RBM43: variants seen among roughly 807,000 people sequenced by gnomAD.
RBM43 encodes the protein RNA binding motif protein 43, also known as RNA-binding protein 43.
Under a neutral mutation model 12.4 loss-of-function variants are expected in RBM43, and 12 were observed. The observed-to-expected ratio is 0.97, with a 90% CI of 0.62 to 1.57. The LOEUF is 1.57. RBM43 is among the 40% of genes most tolerant of loss of function. The pLI is 0.00. For missense variants in RBM43, 348 were observed against 400.1 expected, an observed-to-expected ratio of 0.87 and a Z score of 1.11; for synonymous variants, 138 against 145.7, an observed-to-expected ratio of 0.95 and a Z score of 0.38.
chr2:151,261,589 C>A lies in RBM43; in HGVS notation c.3+136G>T, dbSNP rs1683047873. On this transcript the variant is annotated intron_variant, in intron 1 of 3. Transcript: ENST00000331426. Reference sequence around the variant, plus strand: ...TCCGGGGCCCCCGGGGTCCCTGGGGCCCCTCCGTGCGCCGCCCCCTCCCGC... The same window carrying A: ...TCCGGGGCCCCCGGGGTCCCTGGGGACCCTCCGTGCGCCGCCCCCTCCCGC... The A allele has an allele frequency of 8.5e-6, 13 of 1,536,576 alleles. No homozygotes were observed. In the South Asian group the frequency reaches 1.3e-4, roughly 16 times the overall value.
At chr2:151,257,431 C>T (rs921045172) in intron 1 of RBM43, among the ~76,000 whole-genome samples, 2 of 152,344 alleles carry the variant, frequency 1.3e-5, no homozygotes, top group African/African-American at 2.4e-5. Flanking sequence ...GTGGCTCACA[C>T]CTGTAATCCT....
rs10179952 is a variant in RBM43, at chr2:151,256,445, T to C, written c.4-702A>G. ...AGGTGGCTGTATGTTTTCTTTACAT[T>C]GTAGAGTCTAAAGTATGTAAGACAG... On this transcript the variant is annotated intron_variant, in intron 1 of 3. Transcript: ENST00000331426. Among the ~76,000 whole-genome samples, 553 of 152,288 alleles carry C rather than the reference T, an allele frequency of 3.6e-3. 4 individuals are homozygous for C. Among genetic ancestry groups the C allele is most frequent in the African/African-American group, 0.013 (531 of 41,562 alleles).
At chr2:151,261,137 G>C in intron 1 of RBM43, 1 of 1,226,890 alleles carries the variant, frequency 8.2e-7, no homozygotes, top group African/African-American at 1.5e-5. Flanking sequence ...GCTTTTAAGC[G>C]ATTGATGGAA....
intron 2 of RBM43, 147 bp from the exon 3 acceptor site, chr2:151,253,002 G>A: frequency 5.5e-6 from 3 of 541,602 alleles, no homozygotes; most frequent in Non-Finnish European, 3.3e-6. Context: ...TCACTTTTTT[G>A]TTGCACTTTA....
At position 151,251,614 on chromosome 2, in the gene RBM43, T is replaced by G; in HGVS notation, c.366A>C (p.Glu122Asp). 6.2e-7 allele frequency: 1 copy of G among 1,612,778 alleles called. No homozygotes were observed. The highest frequency in any genetic ancestry group is 8.5e-7 in the Non-Finnish European group (1 of 1,179,672). ...CTTTTACCAGAGTTTCTAGAGTAAC[T>G]TCTTTTCCAAAAACAGAAAGATCAA... ...AILDLSVFGK[E>D]VTLETLVKDL... Residue 122 changes from glutamate to aspartate, a missense_variant, in exon 4 of 4, where the codon GAA becomes GAC. Glu to Asp is a conservative substitution (Grantham distance 45). Transcript: ENST00000331426.
chr2:151,261,491 G>T (rs928274251), intron 1 of RBM43: 10 of 1,550,340 alleles, frequency 6.5e-6, no homozygotes, highest in Non-Finnish European at 8.7e-6. Context: ...TGAATTTCAG[G>T]AGCGCGCAAT....
rs1682895709 is a variant in RBM43, at chr2:151,251,106, T to C, written c.874A>G (p.Arg292Gly). The stretch of plus-strand genomic sequence containing the variant: ...CCTTCCAAAATAAATGTCTCTTTTC[T>C]AAGCTTTAAGTAAAGAGCATGTGAC... Reference protein sequence around the residue: ...EWSHALYLKLRKETFILEGKE... With the variant: ...EWSHALYLKLGKETFILEGKE... Residue 292 changes from arginine (R) to glycine (G), a missense_variant, in exon 4 of 4, where the codon AGA becomes GGA. By Grantham distance (125) the Arg-to-Gly change is moderately radical. Coordinates refer to ENST00000331426, the MANE Select transcript of RBM43 (RefSeq NM_198557.3). The C allele has an allele frequency of 4.3e-6, 7 of 1,613,698 alleles. No individual in the cohort carries two copies. The highest frequency in any genetic ancestry group is 5.9e-6 in the Non-Finnish European group (7 of 1,179,814).
At chr2:151,252,158 T>C (rs992990197) in intron 3 of RBM43, among the ~76,000 whole-genome samples, 2 of 152,180 alleles carry the variant, frequency 1.3e-5, no homozygotes, top group East Asian at 1.9e-4. Flanking sequence ...AATTGTTTTT[T>C]CCCAAAATAA....
chr2:151,252,303 G>A (rs1299653283), intron 3 of RBM43, among the ~76,000 whole-genome samples: 2 of 152,028 alleles, frequency 1.3e-5, no homozygotes, highest in Admixed American at 1.3e-4. Flanking sequence ...TGGGAGGACT[G>A]CTTGAGTCCA....
At chr2:151,254,317 C>T (rs1415833060) in intron 2 of RBM43, among the ~76,000 whole-genome samples, 3 of 152,124 alleles carry the variant, frequency 2.0e-5, no homozygotes, top group Admixed American at 2.0e-4. Flanking sequence ...TTCTCTCTCT[C>T]TCTGTCTCTC....
intron 1 of RBM43, chr2:151,261,036 C>G (rs1683039003): frequency 2.0e-6 from 1 of 509,648 alleles, no homozygotes; most frequent in Non-Finnish European, 3.5e-6. Flanking sequence ...AATGACGACG[C>G]CTCTACCGCC....
chr2:151,252,722 G>T (rs1262201613), intron 3 of RBM43, 33 bp downstream of exon 3: 1 of 1,150,882 alleles, frequency 8.7e-7, no homozygotes. Flanking sequence ...TGGGATACAG[G>T]ACTATCAGTA....
chr2:151,255,850 G>T, intron 1 of RBM43, 107 bp from the exon 2 acceptor site: 2 of 809,396 alleles, frequency 2.5e-6, no homozygotes, highest in Non-Finnish European at 4.0e-6. Context: ...AAGTGCCGGT[G>T]CAGCTGGTTA....
chr2:151,258,601 G>A (rs560091596), intron 1 of RBM43, among the ~76,000 whole-genome samples: 14 of 152,100 alleles, frequency 9.2e-5, no homozygotes, highest in South Asian at 4.2e-4. Context: ...CTCCAGAGGC[G>A]GAGATAGGAG....
intron 1 of RBM43, among the ~76,000 whole-genome samples, chr2:151,258,523 T>C (rs1338517201): frequency 6.7e-6 from 1 of 148,518 alleles, no homozygotes; most frequent in African/African-American, 2.5e-5. Context: ...TGGTGAAACC[T>C]AGTCTCTATC....
At chr2:151,259,150 G>A (rs1277938385) in intron 1 of RBM43, among the ~76,000 whole-genome samples, 2 of 136,532 alleles carry the variant, frequency 1.5e-5, no homozygotes. Flanking sequence ...AAAAAAAAAA[G>A]GAAGAAAGAA....
chr2:151,259,378 G>A (rs1200400025), intron 1 of RBM43, among the ~76,000 whole-genome samples: 1 of 152,158 alleles, frequency 6.6e-6, no homozygotes, highest in Admixed American at 6.5e-5. Flanking sequence ...AGGTGCAGTA[G>A]TTCACGGCTG....
chr2:151,257,625 G>A (rs1405736825), intron 1 of RBM43, among the ~76,000 whole-genome samples: 2 of 152,126 alleles, frequency 1.3e-5, no homozygotes, highest in Non-Finnish European at 2.9e-5. Context: ...CCCAGGAGGC[G>A]GAGGTTGGGG....
chr2:151,255,689 C>T lies in RBM43; in HGVS notation c.58G>A (p.Ala20Thr), dbSNP rs763897615. ...CTAAAAAGGTCAACTGGAAGACCAG[C>T]AACTACAACCGTTCTTTCAGGAGCT... ...SKAPERTVVVAGLPVDLFSDQ... is the reference protein window; with the variant it reads ...SKAPERTVVVTGLPVDLFSDQ... The change falls in exon 2 of 4, where the codon GCT becomes ACT. Residue 20 changes from alanine to threonine, a missense_variant. Ala to Thr is a moderately conservative substitution (Grantham distance 58). Coordinates refer to ENST00000331426, the MANE Select transcript of RBM43 (RefSeq NM_198557.3). 3.0e-5 allele frequency: 49 copies of T among 1,613,860 alleles called. No individual in the cohort carries two copies. The highest frequency in any genetic ancestry group is 4.1e-5 in the Non-Finnish European group (48 of 1,179,976).
Sources: gnomAD v4.1 joint callset for allele counts (sites outside exome capture counted in the v4.1 genomes callset) on GRCh38, gnomAD v4.1.1 for gene constraint, MANE v1.5 for transcripts, NCBI Gene and HGNC (gene_info 2026-07-23, HGNC 2026-07-21) for gene names.